COMMD1: variants seen among roughly 807,000 people sequenced by gnomAD.
The protein encoded by COMMD1 is COMM domain-containing protein 1.
In COMMD1, 10 loss-of-function variants were observed where a neutral mutation model predicts 17.2. That is an observed-to-expected ratio of 0.58 (90% CI 0.36 to 0.99). The LOEUF (loss-of-function observed/expected upper bound fraction) is 0.99, where lower values mean the gene tolerates loss of function less well. Among genes scored for constraint, COMMD1 ranks in the 50% least tolerant of loss-of-function variants. The pLI is 0.01. For missense variants in COMMD1, 270 were observed against 231.8 expected (o/e 1.17, Z -1.07); for synonymous variants, 97 against 91.6 (o/e 1.06, Z -0.34).
At chr2:61,914,552 G>A (rs1053626228) in intron 1 of COMMD1, among the ~76,000 whole-genome samples, 6 of 152,022 alleles carry the variant, frequency 3.9e-5, no homozygotes, top group African/African-American at 1.2e-4. Context: ...CAGCCTGGGC[G>A]ACAGACGGGA....
chr2:61,994,980 C>T (rs1038001794), intron 1 of COMMD1, among the ~76,000 whole-genome samples: 2 of 152,160 alleles, frequency 1.3e-5, no homozygotes, highest in African/African-American at 2.4e-5. Context: ...CAAGGGGAGG[C>T]TTACCCTGGG....
At chr2:62,030,276 G>T (rs575549872) in intron 2 of COMMD1, among the ~76,000 whole-genome samples, 16 of 152,132 alleles carry the variant, frequency 1.1e-4, no homozygotes, top group Non-Finnish European at 2.1e-4. Context: ...TTGAGGAAAG[G>T]GGTTCTGATT....
chr2:62,059,351 TCACTATGTTGCC>T (rs1319233214), intron 2 of COMMD1, among the ~76,000 whole-genome samples: 1 of 151,974 alleles, frequency 6.6e-6, no homozygotes, highest in African/African-American at 2.4e-5. Context: ...GTTTTTTGTC[TCACTATGTTGCC>T]CAGGCTGGTC....
intron 1 of COMMD1, among the ~76,000 whole-genome samples, chr2:61,979,981 G>A (rs1671913321): frequency 2.2e-5 from 2 of 89,840 alleles, no homozygotes; most frequent in Non-Finnish European, 4.4e-5. Flanking sequence ...TCCCACCTAT[G>A]AGTGAGAATA....
intron 2 of COMMD1, among the ~76,000 whole-genome samples, chr2:62,132,261 A>G (rs1053000469): frequency 6.6e-6 from 1 of 152,216 alleles, no homozygotes; most frequent in South Asian, 2.1e-4. Flanking sequence ...TCATTCATAC[A>G]TAGAGATCCA....
intron 1 of COMMD1, among the ~76,000 whole-genome samples, chr2:61,993,355 C>A (rs1314005666): frequency 2.0e-5 from 3 of 152,154 alleles, no homozygotes; most frequent in African/African-American, 7.2e-5. Context: ...TTTTTCTTTT[C>A]GAACTCATTT....
chr2:62,071,867 A>C (rs1442427492), intron 2 of COMMD1, among the ~76,000 whole-genome samples: 2 of 152,118 alleles, frequency 1.3e-5, no homozygotes, highest in South Asian at 4.1e-4. Context: ...TAAGTTTAAA[A>C]TGGAGATCAT....
At chr2:62,007,472 A>G (rs574108083) in intron 2 of COMMD1, among the ~76,000 whole-genome samples, 41 of 152,368 alleles carry the variant, frequency 2.7e-4, no homozygotes, top group African/African-American at 8.7e-4. Context: ...ACTAAATACA[A>G]TCATGCTCTG....
chr2:61,963,449 C>G (rs892657087), intron 1 of COMMD1, among the ~76,000 whole-genome samples: 1 of 152,020 alleles, frequency 6.6e-6, no homozygotes, highest in Non-Finnish European at 1.5e-5. Context: ...CTGGGCCACC[C>G]CGGTTCAAAC....
chr2:62,118,310 A>T (rs1038700064), intron 2 of COMMD1: 8 of 152,230 alleles, frequency 5.3e-5, no homozygotes, highest in African/African-American at 1.9e-4. Context: ...GGGCTTTCTA[A>T]ACTGGGAAAC....
chr2:62,073,696 CTATT>C (rs773001806), intron 2 of COMMD1, among the ~76,000 whole-genome samples: 3 of 152,032 alleles, frequency 2.0e-5, no homozygotes, highest in African/African-American at 7.2e-5. Context: ...CAGAATAAAC[CTATT>C]TATTTATTTA....
intron 1 of COMMD1, among the ~76,000 whole-genome samples, chr2:61,975,121 T>TC (rs1323815194): frequency 1.1e-4 from 13 of 113,808 alleles, no homozygotes; most frequent in Admixed American, 6.6e-4. Context: ...TTTCTTTCTT[T>TC]TTTTTTTTTT....
intron 2 of COMMD1, among the ~76,000 whole-genome samples, chr2:62,099,577 T>C (rs1342501235): frequency 6.6e-6 from 1 of 151,886 alleles, no homozygotes; most frequent in Non-Finnish European, 1.5e-5. Flanking sequence ...CTCTCTCTTT[T>C]TTTTTTTTTT....
At chr2:62,051,597 T>C (rs531158038) in intron 2 of COMMD1, among the ~76,000 whole-genome samples, 2 of 152,338 alleles carry the variant, frequency 1.3e-5, no homozygotes, top group Admixed American at 1.3e-4. Flanking sequence ...GATTACATAA[T>C]GTATCCCATT....
chr2:62,092,654 G>A (rs533473372), intron 2 of COMMD1, among the ~76,000 whole-genome samples: 1 of 152,268 alleles, frequency 6.6e-6, no homozygotes, highest in South Asian at 2.1e-4. Flanking sequence ...GGTCTTTGGG[G>A]TCGTCAGCCC....
intron 2 of COMMD1, among the ~76,000 whole-genome samples, chr2:62,121,308 T>C (rs1042737016): frequency 1.5e-5 from 2 of 137,526 alleles, no homozygotes; most frequent in African/African-American, 5.6e-5. Context: ...AGGTGGAGGT[T>C]GTAGTCAGCC....
upstream of COMMD1, chr2:61,888,614 C>T (rs1183388755): frequency 3.0e-6 from 4 of 1,336,942 alleles, no homozygotes; most frequent in East Asian, 1.0e-4. Context: ...ACGAACCTTC[C>T]AGAAAGCGGC....
chr2:61,940,604 C>A (rs1670718205), intron 1 of COMMD1, among the ~76,000 whole-genome samples: 1 of 152,156 alleles, frequency 6.6e-6, no homozygotes, highest in South Asian at 2.1e-4. Context: ...CTCATGATAA[C>A]CTTTGCTGCC....
chr2:61,940,584 T>C (rs1670717611), intron 1 of COMMD1, among the ~76,000 whole-genome samples: 1 of 152,180 alleles, frequency 6.6e-6, no homozygotes, highest in South Asian at 2.1e-4. Context: ...CCCCAGAAAA[T>C]GTCAGCTTTC....
Sources: allele counts gnomAD v4.1 joint callset (sites outside exome capture counted in the v4.1 genomes callset), GRCh38; gene constraint gnomAD v4.1.1; transcripts MANE v1.5; gene names NCBI Gene and HGNC (gene_info 2026-07-23, HGNC 2026-07-21).